The following MSH4 variants were observed in gnomAD, a reference collection of about 807,000 sequenced individuals.
MSH4 encodes mutS protein homolog 4.
In MSH4, 106 loss-of-function variants were observed where a neutral mutation model predicts 113.7. The ratio of observed to expected loss-of-function variants is 0.93; its 90% CI spans 0.80 to 1.10. MSH4 has a LOEUF of 1.10. Among genes scored for constraint, MSH4 ranks in the 50% least tolerant of loss-of-function variants. The pLI is 0.00. For synonymous variants in MSH4, 368 were observed against 380.2 expected (o/e 0.97, Z 0.37); for missense variants, 1,061 against 1,093.7 (o/e 0.97, Z 0.42).
chr1:75,907,684 C>CTCTCTCTCTCTATATATATATA (rs1307238647), intron 19 of MSH4, among the ~76,000 whole-genome samples: 1 of 46,570 alleles, frequency 2.1e-5, no homozygotes, highest in African/African-American at 9.9e-5. Context: ...CTCTCTCTCT[C>CTCTCTCTCTCTATATATATATA]TATACATATA....
At chr1:75,885,059 G>GTGTATATATATATATATATATATATA (rs1300289205) in intron 15 of MSH4, among the ~76,000 whole-genome samples, 17 of 112,510 alleles carry the variant, frequency 1.5e-4, no homozygotes, top group African/African-American at 6.5e-4. Context: ...GTGTGTGTGT[G>GTGTATATATATATATATATATATATA]TATATATATA....
intron 9 of MSH4, among the ~76,000 whole-genome samples, chr1:75,869,522 G>T (rs1651665438): frequency 6.6e-6 from 1 of 152,172 alleles, no homozygotes; most frequent in African/African-American, 2.4e-5. Flanking sequence ...CAGAGATCTA[G>T]GAGGAAAAAA....
chr1:75,800,174 C>T (rs1166240589), intron 1 of MSH4, among the ~76,000 whole-genome samples: 1 of 152,172 alleles, frequency 6.6e-6, no homozygotes, highest in Non-Finnish European at 1.5e-5. Flanking sequence ...TTTCTGGCAA[C>T]CACTCTCTTC....
chr1:75,896,081 A>G (rs796882069), intron 17 of MSH4, among the ~76,000 whole-genome samples: 12 of 152,212 alleles, frequency 7.9e-5, no homozygotes, highest in African/African-American at 2.9e-4. Flanking sequence ...ATAAATTGAA[A>G]GCCTGAATAG....
chr1:75,799,648 T>A (rs1475020355), intron 1 of MSH4, among the ~76,000 whole-genome samples: 2 of 152,216 alleles, frequency 1.3e-5, no homozygotes, highest in African/African-American at 4.8e-5. Context: ...GTAAAACTGC[T>A]AATAATTTTG....
chr1:75,900,869 A>G (rs1652492275), intron 19 of MSH4, among the ~76,000 whole-genome samples: 1 of 152,050 alleles, frequency 6.6e-6, no homozygotes, highest in African/African-American at 2.4e-5. Flanking sequence ...TCATCTTACC[A>G]CATTTCAATT....
intron 5 of MSH4, among the ~76,000 whole-genome samples, chr1:75,815,879 A>C (rs1650282688): frequency 6.6e-6 from 1 of 152,058 alleles, no homozygotes; most frequent in Non-Finnish European, 1.5e-5. Flanking sequence ...GTGGTGGTGC[A>C]TGACTGTCAT....
chr1:75,899,140 C>A (rs6687882), intron 18 of MSH4, among the ~76,000 whole-genome samples: 64,839 of 151,818 alleles, frequency 0.43, 14,190 homozygotes, highest in African/African-American at 0.5. Flanking sequence ...TATAATTGAT[C>A]CTTTGAATTT....
intron 7 of MSH4, among the ~76,000 whole-genome samples, chr1:75,845,479 A>G (rs939867033): frequency 2.0e-5 from 3 of 152,252 alleles, no homozygotes; most frequent in Non-Finnish European, 4.4e-5. Flanking sequence ...TAACAGGCCC[A>G]AGGAAATCAG....
At chr1:75,826,016 T>A (rs1019365722) in intron 7 of MSH4, among the ~76,000 whole-genome samples, 3 of 152,334 alleles carry the variant, frequency 2.0e-5, no homozygotes, top group Non-Finnish European at 4.4e-5. Flanking sequence ...ATTCTATTGT[T>A]TGAAATAGTT....
Position 75,854,509 on chromosome 1 carries a change from G to T in MSH4, c.1230+6233G>T, listed in dbSNP as rs531366989. ...ATAACCTCCTGTTGTTCATATTCAG[G>T]CTCATATACCCTTGCTAGGTAGACC... On this transcript the variant is annotated intron_variant, in intron 8 of 19. Transcript: ENST00000263187. Among the ~76,000 whole-genome samples, 4 of 152,084 alleles carry T rather than the reference G, an allele frequency of 2.6e-5. No homozygotes were observed. In the East Asian group the frequency reaches 7.8e-4, roughly 29 times the overall value.
intron 7 of MSH4, among the ~76,000 whole-genome samples, chr1:75,834,370 G>C (rs1319009834): frequency 2.6e-5 from 4 of 152,188 alleles, no homozygotes; most frequent in African/African-American, 4.8e-5. Flanking sequence ...AAGACAGTGT[G>C]GTGATTCCTC....
intron 4 of MSH4, among the ~76,000 whole-genome samples, chr1:75,814,291 C>CAA (rs138983828): frequency 1.3e-3 from 136 of 101,238 alleles, no homozygotes; most frequent in Non-Finnish European, 2.0e-3. Context: ...TATCTCTGCT[C>CAA]AAAAAAAAAA....
intron 3 of MSH4, among the ~76,000 whole-genome samples, chr1:75,810,434 T>TTTTA (rs1269881882): frequency 6.7e-6 from 1 of 148,278 alleles, no homozygotes; most frequent in Non-Finnish European, 1.5e-5. Flanking sequence ...TTTTTTTTTT[T>TTTTA]AGTAGAGACA....
At chr1:75,907,878 G>A (rs926254627) in intron 19 of MSH4, among the ~76,000 whole-genome samples, 2 of 150,200 alleles carry the variant, frequency 1.3e-5, no homozygotes, top group African/African-American at 2.5e-5. Context: ...CACCGTGCCT[G>A]TCTAATTTTT....
At chr1:75,857,606 G>A (rs147968495) in intron 8 of MSH4, among the ~76,000 whole-genome samples, 235 of 152,182 alleles carry the variant, frequency 1.5e-3, no homozygotes, top group African/African-American at 5.2e-3. Flanking sequence ...GTACATGTGT[G>A]GTGTTATTTC....
chr1:75,843,832 A>T (rs964469140), intron 7 of MSH4, among the ~76,000 whole-genome samples: 2 of 151,040 alleles, frequency 1.3e-5, no homozygotes, highest in African/African-American at 2.4e-5. Context: ...TTTTTTTGAG[A>T]TGGAGTTTCA....
chr1:75,901,152 A>G (rs1188630197), intron 19 of MSH4, among the ~76,000 whole-genome samples: 1 of 152,120 alleles, frequency 6.6e-6, no homozygotes, highest in Non-Finnish European at 1.5e-5. Flanking sequence ...ATTTATCTTT[A>G]CTTCATGTTG....
At chr1:75,878,905 C>A in intron 11 of MSH4, 87 bp from the exon 12 acceptor site, 5 of 1,108,708 alleles carry the variant, frequency 4.5e-6, no homozygotes, top group Non-Finnish European at 3.8e-6. Context: ...ATTTAAAAAC[C>A]ATGTGACTCT....
Sources: gnomAD v4.1 joint callset for allele counts (sites outside exome capture counted in the v4.1 genomes callset) on GRCh38, gnomAD v4.1.1 for gene constraint, MANE v1.5 for transcripts, NCBI Gene and HGNC (gene_info 2026-07-23, HGNC 2026-07-21) for gene names.